The following CHCHD3 variants were observed in gnomAD, a reference collection of about 807,000 sequenced individuals.
The protein encoded by CHCHD3 is MICOS complex subunit MIC19.
In CHCHD3, 20 loss-of-function variants were observed where a neutral mutation model predicts 38.2. That is an observed-to-expected ratio of 0.52 (90% CI 0.37 to 0.76). The LOEUF (loss-of-function observed/expected upper bound fraction) is 0.76, where lower values mean the gene tolerates loss of function less well. Among genes scored for constraint, CHCHD3 ranks in the 30% least tolerant of loss-of-function variants. The pLI is 0.00. For missense variants in CHCHD3, 245 were observed against 279.2 expected (o/e 0.88, Z 0.87); for synonymous variants, 82 against 100.0 (o/e 0.82, Z 1.07).
intron 2 of CHCHD3, among the ~76,000 whole-genome samples, chr7:133,055,231 A>C (rs937836023): frequency 6.8e-6 from 1 of 147,888 alleles, no homozygotes; most frequent in Non-Finnish European, 1.5e-5. Context: ...ATAATTTTGC[A>C]TATACTTATA....
At chr7:132,851,289 A>T (rs995303647) in intron 5 of CHCHD3, among the ~76,000 whole-genome samples, 6 of 152,198 alleles carry the variant, frequency 3.9e-5, no homozygotes, top group African/African-American at 1.4e-4. Context: ...AGTAGGTATT[A>T]AGTAAATTCT....
intron 3 of CHCHD3, among the ~76,000 whole-genome samples, chr7:133,006,933 A>G (rs1812717221): frequency 6.6e-6 from 1 of 152,204 alleles, no homozygotes; most frequent in Non-Finnish European, 1.5e-5. Flanking sequence ...TCATAAAAAT[A>G]GTAAGGACAC....
intron 6 of CHCHD3, among the ~76,000 whole-genome samples, chr7:132,808,106 G>T (rs1806979042): frequency 6.6e-6 from 1 of 152,126 alleles, no homozygotes; most frequent in Non-Finnish European, 1.5e-5. Flanking sequence ...TACATTATCA[G>T]CCTTCAGCAC....
At chr7:132,909,194 C>T (rs550058629) in intron 4 of CHCHD3, among the ~76,000 whole-genome samples, 1 of 152,256 alleles carries the variant, frequency 6.6e-6, no homozygotes, top group South Asian at 2.1e-4. Context: ...AATTAAACCT[C>T]TTTCCTTTAT....
rs10555609 is a variant in CHCHD3, at chr7:133,072,170, G to GA, written c.82-1942dup. Among the ~76,000 whole-genome samples the GA allele has an allele frequency of 1.4e-3, 161 of 117,020 alleles. 2 individuals carry two copies. The highest frequency in any genetic ancestry group is 1.6e-3 in the Non-Finnish European group (87 of 53,518). 76.8% of individuals were successfully genotyped at this position (117,020 alleles called of 152,430 possible). ...GGGCAACAGAGCAAGACCCTATCTA[G>GA]AAAAAAAAAAAAAAAGTGTTGGAAT... On this transcript the variant is annotated intron_variant, in intron 1 of 7. Transcript: ENST00000262570.
chr7:132,921,736 C>G (rs949599294), intron 4 of CHCHD3, among the ~76,000 whole-genome samples: 2 of 152,286 alleles, frequency 1.3e-5, no homozygotes, highest in East Asian at 3.9e-4. Flanking sequence ...TGCATTTTTC[C>G]ATTAGAAAAT....
chr7:132,859,788 C>T (rs1215755615), intron 5 of CHCHD3, among the ~76,000 whole-genome samples: 1 of 152,116 alleles, frequency 6.6e-6, no homozygotes, highest in Non-Finnish European at 1.5e-5. Context: ...GTTCAAGGTC[C>T]ACTTTTCTCC....
intron 4 of CHCHD3, among the ~76,000 whole-genome samples, chr7:132,946,372 G>T (rs899540262): frequency 6.6e-6 from 1 of 151,844 alleles, no homozygotes; most frequent in Non-Finnish European, 1.5e-5. Flanking sequence ...AAATACTATA[G>T]AATAAAAATC....
At chr7:132,883,036 C>CAT (rs34559751) in intron 5 of CHCHD3, among the ~76,000 whole-genome samples, 45,255 of 151,808 alleles carry the variant, frequency 0.3, 7,257 homozygotes, top group Non-Finnish European at 0.36. Context: ...CCCCTGCACG[C>CAT]TCTCTCTCTC....
At position 132,879,234 on chromosome 7, in the gene CHCHD3, T is replaced by G. The variant is rs545569161; in HGVS notation, c.453+6428A>C. On this transcript the variant is annotated intron_variant, in intron 5 of 7. Coordinates refer to ENST00000262570, the MANE Select transcript of CHCHD3 (RefSeq NM_017812.4). ...ACAAACATATCTTCATATTTAAGAA[T>G]GCAAATAAATTGTAAATGCAGTGGG... Among the ~76,000 whole-genome samples, 16 of 152,290 alleles carry G rather than the reference T, an allele frequency of 1.1e-4. No homozygotes were observed. In the East Asian group the frequency reaches 3.1e-3, roughly 29 times the overall value.
At chr7:133,074,761 G>C (rs1334484306) in intron 1 of CHCHD3, among the ~76,000 whole-genome samples, 1 of 151,988 alleles carries the variant, frequency 6.6e-6, no homozygotes, top group East Asian at 1.9e-4. Flanking sequence ...CAAAAATCAA[G>C]TGTTAGCTAT....
At chr7:132,821,873 C>T (rs1268038135) in intron 6 of CHCHD3, among the ~76,000 whole-genome samples, 1 of 151,046 alleles carries the variant, frequency 6.6e-6, no homozygotes, top group East Asian at 2.0e-4. Context: ...CGCCATTCTC[C>T]TGCCTCAGCC....
intron 3 of CHCHD3, among the ~76,000 whole-genome samples, chr7:133,001,633 T>C (rs1270839909): frequency 6.6e-6 from 1 of 152,188 alleles, no homozygotes; most frequent in Non-Finnish European, 1.5e-5. Context: ...CAATGGCTCC[T>C]ACAAAAGAGA....
At chr7:132,952,250 T>C (rs1184555936) in intron 4 of CHCHD3, among the ~76,000 whole-genome samples, 1 of 152,206 alleles carries the variant, frequency 6.6e-6, no homozygotes, top group Non-Finnish European at 1.5e-5. Flanking sequence ...TAGAATGGTG[T>C]ATTTTAAAAA....
chr7:132,938,745 C>T (rs975492364), intron 4 of CHCHD3, among the ~76,000 whole-genome samples: 1 of 152,138 alleles, frequency 6.6e-6, no homozygotes, highest in Non-Finnish European at 1.5e-5. Context: ...ACACCGGCAA[C>T]AAGCAAACAG....
chr7:133,011,979 C>T (rs1412601911), intron 3 of CHCHD3, among the ~76,000 whole-genome samples: 1 of 152,068 alleles, frequency 6.6e-6, no homozygotes, highest in Admixed American at 6.5e-5. Flanking sequence ...GGCTGGAGTG[C>T]AATGGCGCAA....
At chr7:132,948,581 C>T (rs898897017) in intron 4 of CHCHD3, among the ~76,000 whole-genome samples, 3 of 152,160 alleles carry the variant, frequency 2.0e-5, no homozygotes, top group African/African-American at 4.8e-5. Flanking sequence ...TTACCAACAA[C>T]GATACCCAAA....
chr7:132,785,450 G>T lies in CHCHD3; in HGVS notation c.*187C>A. 1.6e-6 allele frequency: 1 copy of T among 638,576 alleles called. No individual in the cohort carries two copies. The highest frequency in any genetic ancestry group is 2.8e-6 in the Non-Finnish European group (1 of 354,958). 39.6% of individuals were successfully genotyped at this position (638,576 alleles called of 1,614,324 possible). On this transcript the variant is annotated 3_prime_UTR_variant, in exon 8 of 8. Transcript: ENST00000262570. ...CTTTAATGACTGATCCCTGATCAAG[G>T]CTTTGGCCCTTCAAACTGCTGCTGT...
intron 2 of CHCHD3, among the ~76,000 whole-genome samples, chr7:133,037,965 A>G (rs965083025): frequency 1.3e-5 from 2 of 152,206 alleles, no homozygotes; most frequent in African/African-American, 4.8e-5. Context: ...TAATCATTTA[A>G]AAGTTATTTT....
Sources: gnomAD v4.1 joint callset for allele counts (sites outside exome capture counted in the v4.1 genomes callset) on GRCh38, gnomAD v4.1.1 for gene constraint, MANE v1.5 for transcripts, NCBI Gene and HGNC (gene_info 2026-07-23, HGNC 2026-07-21) for gene names.